Variants in KAZN observed in about 807,000 individuals in gnomAD.
The protein encoded by KAZN is kazrin, periplakin interacting protein, also known as kazrin.
In KAZN, 40 loss-of-function variants were observed where a neutral mutation model predicts 87.4. That is an observed-to-expected ratio of 0.46 (90% confidence interval 0.36 to 0.60). KAZN has a LOEUF of 0.60. Among genes scored for constraint, KAZN ranks in the 20% least tolerant of loss-of-function variants. KAZN has a pLI of 0.00. For synonymous variants in KAZN, 466 were observed against 458.3 expected, an observed-to-expected ratio of 1.02 and a Z score of -0.22; for missense variants, 898 against 1,073.9, an observed-to-expected ratio of 0.84 and a Z score of 2.29.
At chr1:14,418,290 C>T (rs1340636993) in intron 2 of KAZN, among the ~76,000 whole-genome samples, 3 of 152,240 alleles carry the variant, frequency 2.0e-5, no homozygotes, top group Admixed American at 6.5e-5. Context: ...GGCTATCTAA[C>T]CTCTCTGAGT....
chr1:14,085,196 T>C (rs1643817766), intron 1 of KAZN, among the ~76,000 whole-genome samples: 2 of 152,242 alleles, frequency 1.3e-5, no homozygotes, highest in African/African-American at 4.8e-5. Context: ...GAAACTATTT[T>C]GAACTCATTG....
At chr1:13,996,969 GCC>G (rs1297564590) in intron 1 of KAZN, among the ~76,000 whole-genome samples, 1 of 152,188 alleles carries the variant, frequency 6.6e-6, no homozygotes, top group Non-Finnish European at 1.5e-5. Flanking sequence ...TCAGGTTGGT[GCC>G]CCTCGAGGTC....
intron 1 of KAZN, among the ~76,000 whole-genome samples, chr1:14,908,458 C>G (rs1656859284): frequency 6.6e-6 from 1 of 152,080 alleles, no homozygotes; most frequent in Non-Finnish European, 1.5e-5. Flanking sequence ...AGGAGAATCG[C>G]TTGAGCCTGG....
At chr1:14,596,967 C>T (rs12118856), upstream of KAZN, among the ~76,000 whole-genome samples, 26,781 of 152,092 alleles carry the variant, frequency 0.18, 2,528 homozygotes, top group East Asian at 0.32. Context: ...TTTGCTGGGT[C>T]GTATGGTAAT....
chr1:14,689,508 C>T (rs1443468059), intron 1 of KAZN, among the ~76,000 whole-genome samples: 1 of 152,172 alleles, frequency 6.6e-6, no homozygotes, highest in Non-Finnish European at 1.5e-5. Flanking sequence ...TTTATGGCAG[C>T]TGGAGAGTTT....
chr1:14,172,707 G>A (rs1645981212), intron 1 of KAZN, among the ~76,000 whole-genome samples: 1 of 152,256 alleles, frequency 6.6e-6, no homozygotes, highest in South Asian at 2.1e-4. Context: ...CATCTGGGAT[G>A]ACTTGAATCA....
chr1:14,239,679 C>T (rs895587367), intron 2 of KAZN, among the ~76,000 whole-genome samples: 3 of 151,796 alleles, frequency 2.0e-5, no homozygotes, highest in Non-Finnish European at 2.9e-5. Context: ...AGGCTGGTCT[C>T]GAACTCCCGA....
In KAZN at chr1:14,484,623, G is replaced by C. The variant is rs564936120; in HGVS notation, c.250-114360G>C. Among the ~76,000 whole-genome samples, 22 of 152,340 alleles carry C rather than the reference G, an allele frequency of 1.4e-4. No individual in the cohort carries two copies. In the East Asian group the frequency reaches 4.2e-3, roughly 29 times the overall value. ...CTTCAGTGGCAGACAGTAAACATTT[G>C]TTTTTGTTCAGGGTCTGCAGGCTGG... On this transcript the variant is annotated intron_variant, in intron 2 of 16. Transcript: ENST00000636203.
chr1:14,441,472 C>G (rs535549481), intron 2 of KAZN, among the ~76,000 whole-genome samples: 1 of 152,144 alleles, frequency 6.6e-6, no homozygotes, highest in East Asian at 1.9e-4. Flanking sequence ...GGGCGTGAGG[C>G]CAGCGACATT....
At chr1:14,046,021 C>G (rs1464898535) in intron 1 of KAZN, among the ~76,000 whole-genome samples, 1 of 152,108 alleles carries the variant, frequency 6.6e-6, no homozygotes, top group Non-Finnish European at 1.5e-5. Context: ...AGACAAGGTC[C>G]ATTTGCTATG....
chr1:14,533,243 A>C (rs1303297962), intron 2 of KAZN, among the ~76,000 whole-genome samples: 1 of 152,182 alleles, frequency 6.6e-6, no homozygotes. Flanking sequence ...TTCTGGGATA[A>C]ACACAGTACC....
intron 1 of KAZN, among the ~76,000 whole-genome samples, chr1:14,943,804 G>A (rs1661416661): frequency 6.6e-6 from 1 of 151,852 alleles, no homozygotes; most frequent in African/African-American, 2.4e-5. Flanking sequence ...GGGCACAGTG[G>A]CTCACGCCTG....
intron 2 of KAZN, among the ~76,000 whole-genome samples, chr1:15,029,793 G>C (rs1294468595): frequency 6.6e-6 from 1 of 152,184 alleles, no homozygotes; most frequent in Non-Finnish European, 1.5e-5. Context: ...GAAAGCAGAG[G>C]CATGATTTCC....
intron 1 of KAZN, among the ~76,000 whole-genome samples, chr1:14,864,343 T>A (rs1651208604): frequency 6.6e-6 from 1 of 151,942 alleles, no homozygotes; most frequent in Non-Finnish European, 1.5e-5. Context: ...GGCGGGCGGA[T>A]CACATGGTCA....
intron 2 of KAZN, among the ~76,000 whole-genome samples, chr1:14,523,145 A>G (rs1002489343): frequency 9.9e-5 from 15 of 152,158 alleles, no homozygotes; most frequent in African/African-American, 3.6e-4. Context: ...TGAGGCTGGG[A>G]GGCACCTCAC....
chr1:14,698,076 CAG>C (rs1470506580), intron 1 of KAZN, among the ~76,000 whole-genome samples: 3 of 152,198 alleles, frequency 2.0e-5, no homozygotes, highest in African/African-American at 7.2e-5. Flanking sequence ...CTTAGTTCTC[CAG>C]TATTCTACCC....
intron 1 of KAZN, among the ~76,000 whole-genome samples, chr1:14,101,220 G>A (rs1361783129): frequency 1.3e-5 from 2 of 152,190 alleles, no homozygotes; most frequent in Non-Finnish European, 2.9e-5. Context: ...AGTCAGGCCT[G>A]CCATATTAAC....
At chr1:14,430,252 T>C (rs1665975985) in intron 2 of KAZN, among the ~76,000 whole-genome samples, 1 of 152,176 alleles carries the variant, frequency 6.6e-6, no homozygotes, top group Non-Finnish European at 1.5e-5. Flanking sequence ...TTGCCTACTT[T>C]TTTTTCCTTT....
At chr1:15,089,134 C>T (rs1640411720) in intron 8 of KAZN, among the ~76,000 whole-genome samples, 1 of 152,118 alleles carries the variant, frequency 6.6e-6, no homozygotes, top group Non-Finnish European at 1.5e-5. Context: ...TGCATCTGGA[C>T]ACCCTTTCTC....
Sources: allele counts gnomAD v4.1 joint callset (sites outside exome capture counted in the v4.1 genomes callset), GRCh38; gene constraint gnomAD v4.1.1; transcripts MANE v1.5; gene names NCBI Gene and HGNC (gene_info 2026-07-23, HGNC 2026-07-21).